C1QTNF7: variants seen among roughly 807,000 people sequenced by gnomAD.
C1QTNF7 encodes complement C1q tumor necrosis factor-related protein 7.
C1QTNF7 carries 15 observed loss-of-function variants against 19.6 expected under a neutral mutation model. The observed-to-expected ratio is 0.76, with a 90% CI of 0.51 to 1.18. C1QTNF7 has a LOEUF of 1.18. Among genes scored for constraint, C1QTNF7 ranks in the 50% most tolerant of loss-of-function variants. The pLI is 0.00. For missense variants in C1QTNF7, 324 were observed against 359.7 expected (o/e 0.90, Z 0.80); for synonymous variants, 142 against 137.5 (o/e 1.03, Z -0.23).
At chr4:15,423,737 T>A (rs1425076431), upstream of C1QTNF7, among the ~76,000 whole-genome samples, 1 of 152,198 alleles carries the variant, frequency 6.6e-6, no homozygotes, top group Non-Finnish European at 1.5e-5. Context: ...AGCATCATCC[T>A]CTTCCACCTC....
chr4:15,414,338 G>C (rs1719512109), intron 1 of C1QTNF7, among the ~76,000 whole-genome samples: 1 of 152,140 alleles, frequency 6.6e-6, no homozygotes, highest in Non-Finnish European at 1.5e-5. Flanking sequence ...TTTTAATGTA[G>C]AGGGTTTCTT....
chr4:15,340,126 G>A, exon 1 of C1QTNF7: 1 of 1,514,522 alleles, frequency 6.6e-7, no homozygotes, highest in Non-Finnish European at 9.0e-7. Flanking sequence ...ATTTTTAATA[G>A]TTAACTACAT....
At chr4:15,341,261 T>C (rs891437728) in intron 1 of C1QTNF7, among the ~76,000 whole-genome samples, 5 of 152,202 alleles carry the variant, frequency 3.3e-5, no homozygotes, top group Admixed American at 3.3e-4. Context: ...TACAGAAACA[T>C]TAGCAAGGCG....
chr4:15,373,413 A>G (rs1717804726), intron 1 of C1QTNF7, among the ~76,000 whole-genome samples: 1 of 152,224 alleles, frequency 6.6e-6, no homozygotes, highest in South Asian at 2.1e-4. Flanking sequence ...CAACGTATGA[A>G]TTTGTGGGGA....
At chr4:15,398,130 C>A (rs10012583) in intron 1 of C1QTNF7, among the ~76,000 whole-genome samples, 106,801 of 152,048 alleles carry the variant, frequency 0.7, 37,597 homozygotes, top group South Asian at 0.73. Context: ...GCCAGTCATG[C>A]GTCAGTTGCT....
chr4:15,352,339 C>T lies in C1QTNF7; in HGVS notation c.13+12132C>T, dbSNP rs182550609. On this transcript the variant is annotated intron_variant, in intron 1 of 2. Transcript: ENST00000295297. Reference sequence around the variant, plus strand: ...ATTCTGAGAGGTTTGGCAGTTTGTCCAAAGTCATTAAGTGGCAAAACCAGG... The same window carrying T: ...ATTCTGAGAGGTTTGGCAGTTTGTCTAAAGTCATTAAGTGGCAAAACCAGG... Among the ~76,000 whole-genome samples, 358 of 152,148 alleles carry T rather than the reference C, an allele frequency of 2.4e-3. 3 individuals carry two copies. The highest frequency in any genetic ancestry group is 8.0e-3 in the African/African-American group (330 of 41,504).
At chr4:15,384,809 G>A (rs531895351) in intron 1 of C1QTNF7, among the ~76,000 whole-genome samples, 3 of 152,252 alleles carry the variant, frequency 2.0e-5, no homozygotes, top group Middle Eastern at 3.4e-3. Flanking sequence ...GGTTGGTTTG[G>A]GGAGGCAGCT....
At chr4:15,380,921 T>A (rs1211034360) in intron 1 of C1QTNF7, among the ~76,000 whole-genome samples, 3 of 151,138 alleles carry the variant, frequency 2.0e-5, no homozygotes, top group Non-Finnish European at 2.9e-5. Context: ...GGCAACAGAG[T>A]GAGACTCTGT....
intron 1 of C1QTNF7, among the ~76,000 whole-genome samples, chr4:15,433,236 T>G (rs1160238005): frequency 6.6e-6 from 1 of 152,130 alleles, no homozygotes; most frequent in Non-Finnish European, 1.5e-5. Context: ...CAGGCTCCTC[T>G]CAAATTCCTG....
At chr4:15,348,959 T>C (rs756185422) in intron 1 of C1QTNF7, among the ~76,000 whole-genome samples, 1 of 152,196 alleles carries the variant, frequency 6.6e-6, no homozygotes, top group South Asian at 2.1e-4. Context: ...GAAAGCACAG[T>C]TGCAGGTAAA....
chr4:15,424,549 C>A (rs922961781), upstream of C1QTNF7, among the ~76,000 whole-genome samples: 12 of 152,142 alleles, frequency 7.9e-5, no homozygotes, highest in African/African-American at 2.7e-4. Flanking sequence ...TAGTGGCCTC[C>A]CCCCACTAGG....
At chr4:15,406,483 G>T (rs61480300) in intron 1 of C1QTNF7, among the ~76,000 whole-genome samples, 41 of 152,242 alleles carry the variant, frequency 2.7e-4, no homozygotes, top group African/African-American at 9.1e-4. Flanking sequence ...AGGAAGACAC[G>T]CATACACAAA....
Position 15,368,740 on chromosome 4 carries a change from G to A in C1QTNF7, c.13+28533G>A, listed in dbSNP as rs553089182. 4.6e-5 allele frequency among the ~76,000 whole-genome samples: 7 copies of A among 152,256 alleles called. No individual in the cohort carries two copies. The East Asian group carries it at 5.8e-4, about 13-fold the overall frequency. On this transcript the variant is annotated intron_variant, in intron 1 of 2. Coordinates refer to the C1QTNF7 transcript ENST00000295297. Reference sequence around the variant, plus strand: ...AGTCTTTGCTATTGTGAATAGTGCCGCAATAAACATACGTGTGCATGTGTC... The same window carrying A: ...AGTCTTTGCTATTGTGAATAGTGCCACAATAAACATACGTGTGCATGTGTC...
chr4:15,433,042 C>T lies in C1QTNF7; in HGVS notation c.-8-2694C>T, dbSNP rs372007056. Among the ~76,000 whole-genome samples, 11 of 152,288 alleles carry T rather than the reference C, an allele frequency of 7.2e-5. No homozygotes were observed. The East Asian group carries it at 9.6e-4, about 13-fold the overall frequency. On this transcript the variant is annotated intron_variant, in intron 1 of 2. Coordinates refer to ENST00000444304, the MANE Select transcript of C1QTNF7 (RefSeq NM_031911.5). The stretch of plus-strand genomic sequence containing the variant: ...TGGCATAGTTAGGCTTTCACACCTG[C>T]ATCACCATGTCTGAGAAGCCACTGT...
Position 15,442,338 on chromosome 4 carries a change from G to A in C1QTNF7, c.409G>A (p.Gly137Arg). ...AGAACAAGGGGACCCGGGGCTGCCT[G>A]GAGTTTGCAGATGTGGAAGCATCGT... Reference protein sequence around the residue: ...RGEQGDPGLPGVCRCGSIVLK... With the variant: ...RGEQGDPGLPRVCRCGSIVLK... The change falls in exon 3 of 3, where the codon GGA becomes AGA. Residue 137 changes from glycine to arginine, a missense_variant. Physicochemically the swap from Gly to Arg is moderately radical, Grantham distance 125 (BLOSUM62 -2). Transcript: ENST00000444304. 1.2e-6 allele frequency: 2 copies of A among 1,614,106 alleles called. No individual in the cohort carries two copies. The highest frequency in any genetic ancestry group is 2.2e-5 in the South Asian group (2 of 91,062).
chr4:15,432,821 A>G (rs941490083), intron 1 of C1QTNF7, among the ~76,000 whole-genome samples: 1 of 152,234 alleles, frequency 6.6e-6, no homozygotes, highest in Non-Finnish European at 1.5e-5. Flanking sequence ...CGCACTTGTC[A>G]TAAAAGCAAT....
rs1166730146 is a variant in C1QTNF7 at position 15,442,402 on chromosome 4, A to C, written c.473A>C (p.Tyr158Ser). 6.2e-7 allele frequency: 1 copy of C among 1,614,164 alleles called. No homozygotes were observed. Among genetic ancestry groups the C allele is most frequent in the Non-Finnish European group, 8.5e-7 (1 of 1,180,034 alleles). ...TTTTCTGTTGGCATCACAACCAGCTACCCAGAAGAAAGACTACCTATTATA... is the reference window on the plus strand; with the variant it reads ...TTTTCTGTTGGCATCACAACCAGCTCCCCAGAAGAAAGACTACCTATTATA... ...SAFSVGITTS[Y>S]PEERLPIIFN... The change falls in exon 3 of 3, where the codon TAC becomes TCC. Residue 158 changes from tyrosine (Y) to serine (S), a missense_variant. Coordinates refer to ENST00000444304, the MANE Select transcript of C1QTNF7 (RefSeq NM_031911.5).
At chr4:15,438,065 A>T (rs1156340917) in intron 2 of C1QTNF7, among the ~76,000 whole-genome samples, 1 of 152,212 alleles carries the variant, frequency 6.6e-6, no homozygotes, top group Non-Finnish European at 1.5e-5. Flanking sequence ...ACCACTTACT[A>T]AGAACTTACT....
intron 1 of C1QTNF7, among the ~76,000 whole-genome samples, chr4:15,363,318 T>C (rs1269847646): frequency 6.6e-6 from 1 of 152,140 alleles, no homozygotes; most frequent in African/African-American, 2.4e-5. Flanking sequence ...GTTTAATTGT[T>C]ATTTTTATTC....
Sources: gnomAD v4.1 joint callset for allele counts (sites outside exome capture counted in the v4.1 genomes callset) on GRCh38, gnomAD v4.1.1 for gene constraint, MANE v1.5 for transcripts, NCBI Gene and HGNC (gene_info 2026-07-23, HGNC 2026-07-21) for gene names.